ZNF732: variants seen among roughly 807,000 people sequenced by gnomAD.
ZNF732 encodes zinc finger protein LOC654254.
Under a neutral mutation model 11.5 loss-of-function variants are expected in ZNF732, and 12 were observed. The ratio of observed to expected loss-of-function variants is 1.05; its 90% CI spans 0.67 to 1.70. ZNF732 has a LOEUF of 1.70. ZNF732 is among the 40% of genes most tolerant of loss of function. The pLI, the probability that ZNF732 is intolerant of heterozygous loss-of-function variation, is 0.00. For missense variants in ZNF732, 702 were observed against 676.9 expected (o/e 1.04, Z -0.41); for synonymous variants, 231 against 236.5 (o/e 0.98, Z 0.21).
At chr4:300,881 A>G (rs1317712283) in intron 1 of ZNF732, among the ~76,000 whole-genome samples, 3 of 152,216 alleles carry the variant, frequency 2.0e-5, no homozygotes, top group Admixed American at 6.5e-5. Context: ...GGATCTAATT[A>G]AACTAAAGAG....
chr4:284,962 T>C (rs1192073489), intron 3 of ZNF732, among the ~76,000 whole-genome samples: 1 of 150,754 alleles, frequency 6.6e-6, no homozygotes, highest in East Asian at 1.9e-4. Context: ...CATATAAAAG[T>C]TTTCTAAGTC....
Position 270,944 on chromosome 4 carries a change from C to A in ZNF732, c.*155G>T. The A allele has an allele frequency of 1.3e-6, 1 of 791,640 alleles. No homozygotes were observed. Among genetic ancestry groups the A allele is most frequent in the Non-Finnish European group, 2.2e-6 (1 of 459,546 alleles). 49.0% of individuals were successfully genotyped at this position (791,640 alleles called of 1,614,324 possible). Reference sequence around the variant, plus strand: ...CATTCTTTACATTTGTAGGGTTTTTCTCCAGTATGAATTCTTACTTTCATT... The same window carrying A: ...CATTCTTTACATTTGTAGGGTTTTTATCCAGTATGAATTCTTACTTTCATT... On this transcript the variant is annotated 3_prime_UTR_variant, in exon 4 of 4. Coordinates refer to ENST00000419098, the MANE Select transcript of ZNF732 (RefSeq NM_001137608.3).
chr4:298,624 CT>C (rs1553842855), intron 1 of ZNF732, among the ~76,000 whole-genome samples: 14 of 152,144 alleles, frequency 9.2e-5, no homozygotes, highest in Non-Finnish European at 1.9e-4. Context: ...CCCCAGTGAC[CT>C]TGGGCTGATA....
intron 3 of ZNF732, among the ~76,000 whole-genome samples, chr4:286,769 G>A (rs1719739697): frequency 6.6e-6 from 1 of 152,094 alleles, no homozygotes. Context: ...ATAAAGGTTT[G>A]TTGTACAGAT....
In ZNF732 at chr4:305,434, G is replaced by C; in HGVS notation, c.-124C>G. 1 of 1,410,166 alleles carries C rather than the reference G, an allele frequency of 7.1e-7. No homozygotes were observed. The highest frequency in any genetic ancestry group is 9.8e-7 in the Non-Finnish European group (1 of 1,025,434). 87.4% of individuals were successfully genotyped at this position (1,410,166 alleles called of 1,614,324 possible). ...CGCCTCCCTGAGGGGTGAAAGCACGGCCGTGGAGACCCTAACCGAGCTCAC... is the reference window on the plus strand; with the variant it reads ...CGCCTCCCTGAGGGGTGAAAGCACGCCCGTGGAGACCCTAACCGAGCTCAC... On this transcript the variant is annotated 5_prime_UTR_variant, in exon 1 of 4. Coordinates refer to ENST00000419098, the MANE Select transcript of ZNF732 (RefSeq NM_001137608.3).
chr4:299,544 CAT>C (rs552426098), intron 1 of ZNF732, among the ~76,000 whole-genome samples: 181 of 124,806 alleles, frequency 1.5e-3, no homozygotes, highest in South Asian at 3.0e-3. Context: ...CATATATACA[CAT>C]ATATATGTAT....
At position 271,939 on chromosome 4, in the gene ZNF732, G is replaced by C. The variant is rs782008193; in HGVS notation, c.918C>G (p.Tyr306Ter). Residue 306 changes from tyrosine (Y) to a stop codon, truncating the protein, a stop_gained, in exon 4 of 4, where the codon TAC (tyrosine) becomes TAG (stop). Coordinates refer to ENST00000419098, the MANE Select transcript of ZNF732 (RefSeq NM_001137608.3). LOFTEE classifies it low-confidence loss of function (END_TRUNC). ...AGACTTTGCCACATTCCTGACATTT[G>C]TAGAGTTTCTCTCCGGTATGAATTT... ...HKKIHTGEKLYKCQECGKVFN... is the reference protein window; with the variant it reads ...HKKIHTGEKL 1 of 1,609,240 alleles carries C rather than the reference G, an allele frequency of 6.2e-7. No individual in the cohort carries two copies. Among genetic ancestry groups the C allele is most frequent in the East Asian group, 2.2e-5 (1 of 44,692 alleles).
chr4:270,787 A>G lies in ZNF732; in HGVS notation c.*312T>C. ...TTTGTAGGATTCATCTCCCATATGA[A>G]TTTTCTTATGTTCACTCAGGGTTGT... On this transcript the variant is annotated 3_prime_UTR_variant, in exon 4 of 4. Coordinates refer to ENST00000419098, the MANE Select transcript of ZNF732 (RefSeq NM_001137608.3). 1.9e-6 allele frequency: 1 copy of G among 540,098 alleles called. No individual in the cohort carries two copies. 33.5% of individuals were successfully genotyped at this position (540,098 alleles called of 1,614,324 possible). A position where few individuals can be genotyped will look rare whatever the true frequency, so the allele number is the denominator to read the frequency against.
At chr4:295,361 C>A in intron 3 of ZNF732, 77 bp downstream of exon 3, 2 of 1,232,004 alleles carry the variant, frequency 1.6e-6, no homozygotes, top group South Asian at 3.1e-5. Context: ...GCTTCCCAAA[C>A]TACATTTTAA....
At chr4:285,886 C>T (rs1329510563) in intron 3 of ZNF732, among the ~76,000 whole-genome samples, 1 of 152,224 alleles carries the variant, frequency 6.6e-6, no homozygotes, top group East Asian at 1.9e-4. Flanking sequence ...ACTACAGGTG[C>T]ATGCCACCAT....
chr4:293,813 T>C (rs187750643), intron 3 of ZNF732, among the ~76,000 whole-genome samples: 45 of 152,298 alleles, frequency 3.0e-4, no homozygotes, highest in African/African-American at 1.1e-3. Context: ...TATCATTACA[T>C]TGTAAATATT....
rs782577196 is a variant in ZNF732, at chr4:271,683, A to G, written c.1174T>C (p.Cys392Arg). ...CTAAAGGCTTTTCCACATTCTTCAC[A>G]TGTGTAGGGTTTCTCTCCAGTATGA... Reference protein sequence around the residue: ...SIHTGEKPYTCEECGKAFSRF... With the variant: ...SIHTGEKPYTREECGKAFSRF... The change falls in exon 4 of 4, where the codon TGT (cysteine) becomes CGT (arginine). Residue 392 changes from cysteine (C) to arginine (R), a missense_variant. By Grantham distance (180) the Cys-to-Arg change is radical (BLOSUM62 -3). Coordinates refer to ENST00000419098, the MANE Select transcript of ZNF732 (RefSeq NM_001137608.3). The G allele has an allele frequency of 1.9e-6, 3 of 1,612,134 alleles. No individual in the cohort carries two copies. The highest frequency in any genetic ancestry group is 1.1e-5 in the South Asian group (1 of 90,882).
intron 3 of ZNF732, among the ~76,000 whole-genome samples, chr4:275,630 A>G (rs1553838553): frequency 6.6e-6 from 1 of 151,814 alleles, no homozygotes; most frequent in East Asian, 1.9e-4. Flanking sequence ...GACACTCATA[A>G]TTATTGCAGC....
At chr4:281,445 C>T (rs76166839) in intron 3 of ZNF732, among the ~76,000 whole-genome samples, 1 of 152,238 alleles carries the variant, frequency 6.6e-6, no homozygotes, top group Non-Finnish European at 1.5e-5. Context: ...CACCTGCTCA[C>T]ATTGATTGTA....
In ZNF732 at chr4:299,497, A is replaced by G. The variant is rs192575102; in HGVS notation, c.4-3342T>C. On this transcript the variant is annotated intron_variant, in intron 1 of 3. Coordinates refer to ENST00000419098, the MANE Select transcript of ZNF732 (RefSeq NM_001137608.3). ...TACACATATATACACATATGTGTGT[A>G]TATATACACACATATACGTATATAT... Among the ~76,000 whole-genome samples, 13 of 114,880 alleles carry G rather than the reference A, an allele frequency of 1.1e-4. 2 individuals are homozygous for G. The highest frequency in any genetic ancestry group is 2.4e-4 in the East Asian group (1 of 4,162). The allele number at this position is 114,880 out of a possible 152,430, so 75.4% of individuals were successfully genotyped here.
chr4:299,439 A>ATATATATATACACATATGTG lies in ZNF732; in HGVS notation c.4-3285_4-3284insCACATATGTGTATATATATA, dbSNP rs1560165210. Among the ~76,000 whole-genome samples the ATATATATATACACATATGTG allele has an allele frequency of 3.6e-3, 164 of 45,826 alleles. 7 individuals carry two copies. Among genetic ancestry groups the ATATATATATACACATATGTG allele is most frequent in the Admixed American group, 0.024 (90 of 3,704 alleles). 30.1% of individuals were successfully genotyped at this position (45,826 alleles called of 152,430 possible). On this transcript the variant is annotated intron_variant, in intron 1 of 3. Transcript: ENST00000419098. Reference sequence around the variant, plus strand: ...TACACATATATACACATATGTGTATATATATATATATACACATATGTGTAT... The same window carrying ATATATATATACACATATGTG: ...TACACATATATACACATATGTGTATATATATATATACACATATGTGTATATATATATACACATATGTGTAT...
chr4:299,416 CACATATATACACATATGTGTATATATAT>C (rs1560165125), intron 1 of ZNF732, among the ~76,000 whole-genome samples: 18 of 56,216 alleles, frequency 3.2e-4, no homozygotes, highest in Admixed American at 8.8e-4. Flanking sequence ...TATATATATA[CACATATATACACATATGTGTATATATAT>C]ATATATACAC....
chr4:291,791 G>A (rs574960705), intron 3 of ZNF732, among the ~76,000 whole-genome samples: 2 of 152,068 alleles, frequency 1.3e-5, no homozygotes, highest in South Asian at 4.2e-4. Context: ...CAAAGCGAGG[G>A]GCATCATACC....
At chr4:280,086 A>AAAAT (rs35971123) in intron 3 of ZNF732, among the ~76,000 whole-genome samples, 32,985 of 151,818 alleles carry the variant, frequency 0.22, 3,645 homozygotes, top group Admixed American at 0.29. Context: ...TTAAAAACAA[A>AAAAT]AAATAATTGA....
Sources: gnomAD v4.1 joint callset for allele counts (sites outside exome capture counted in the v4.1 genomes callset) on GRCh38, gnomAD v4.1.1 for gene constraint, MANE v1.5 for transcripts, NCBI Gene and HGNC (gene_info 2026-07-23, HGNC 2026-07-21) for gene names.